WDR83: variants seen among roughly 807,000 people sequenced by gnomAD.
WDR83 encodes WD repeat domain 83, also known as WD repeat domain-containing protein 83.
WDR83 carries 37 observed loss-of-function variants against 37.7 expected under a neutral mutation model. The observed-to-expected ratio is 0.98, with a 90% CI of 0.76 to 1.29. The LOEUF is 1.29. Among genes scored for constraint, WDR83 ranks in the 50% most tolerant of loss-of-function variants. The pLI is 0.00. For synonymous variants in WDR83, 174 were observed against 181.1 expected (o/e 0.96, Z 0.31); for missense variants, 445 against 414.4 (o/e 1.07, Z -0.64).
At chr19:12,672,440 C>T (rs1389042048) in intron 7 of WDR83, 2 of 204,490 alleles carry the variant, frequency 9.8e-6, no homozygotes, top group African/African-American at 2.3e-5. Flanking sequence ...GAAACCCCGT[C>T]TCTACTAAAA....
At position 12,668,722 on chromosome 19, in the gene WDR83, C is replaced by T. The variant is rs954352580; in HGVS notation, c.-37+95C>T. 18 of 956,048 alleles carry T rather than the reference C, an allele frequency of 1.9e-5. No individual in the cohort carries two copies. In the East Asian group the frequency reaches 4.4e-4, roughly 23 times the overall value. 59.2% of individuals were successfully genotyped at this position (956,048 alleles called of 1,614,324 possible). A position where few individuals can be genotyped will look rare whatever the true frequency, so the allele number is the denominator to read the frequency against. Reference sequence around the variant, plus strand: ...TCATGCCCACTGATTCCATCTGATGCAGCTGGGACCTTGCCCCACCCGGAA... The same window carrying T: ...TCATGCCCACTGATTCCATCTGATGTAGCTGGGACCTTGCCCCACCCGGAA... On this transcript the variant is annotated intron_variant, in intron 2 of 10. Transcript: ENST00000418543.
Position 12,670,821 on chromosome 19 carries a change from G to A in WDR83, c.506G>A (p.Gly169Asp), listed in dbSNP as rs2024393847. The A allele has an allele frequency of 1.2e-6, 2 of 1,612,128 alleles. No individual in the cohort carries two copies. The change falls in exon 7 of 11, where the codon GGC (glycine) becomes GAC (aspartate). Residue 169 changes from glycine (G) to aspartate (D), a missense_variant and splice_region_variant. By Grantham distance (94) the Gly-to-Asp change is moderately conservative (BLOSUM62 -1). Transcript: ENST00000418543. The part of the protein sequence containing the change: ...VKVSDHEILA[G>D]SVDGRVRRYD... ...GTGTCAGACCACGAGATCCTGGCAG[G>A]GTGAGTGGAGCCAGGACCTGGTCTC...
chr19:12,667,578 G>T (rs1044763754), intron 1 of WDR83, among the ~76,000 whole-genome samples: 2 of 152,214 alleles, frequency 1.3e-5, no homozygotes, highest in Non-Finnish European at 2.9e-5. Flanking sequence ...ACTTGAACCT[G>T]GGAGGCGGAG....
chr19:12,673,149 C>T, intron 9 of WDR83, 33 bp downstream of exon 9: 1 of 1,611,382 alleles, frequency 6.2e-7, no homozygotes, highest in Non-Finnish European at 8.5e-7. Context: ...ATCCCCTTCC[C>T]TCCTCTCCCA....
At chr19:12,670,154 C>T in intron 4 of WDR83, 26 bp from the exon 5 acceptor site, 1 of 1,609,790 alleles carries the variant, frequency 6.2e-7, no homozygotes, top group East Asian at 2.2e-5. Context: ...GAGGTCGATG[C>T]TGATCCTCCT....
At chr19:12,667,220 TC>T (rs2024277171) in intron 1 of WDR83, among the ~76,000 whole-genome samples, 1 of 152,136 alleles carries the variant, frequency 6.6e-6, no homozygotes, top group Non-Finnish European at 1.5e-5. Flanking sequence ...TTGAGAAGGA[TC>T]CCTGGGTGTT....
rs962060225 is a variant in WDR83 at position 12,673,200 on chromosome 19, A to G, written c.684-2A>G. The G allele has an allele frequency of 6.2e-7, 1 of 1,613,712 alleles. No homozygotes were observed. Among genetic ancestry groups the G allele is most frequent in the Non-Finnish European group, 8.5e-7 (1 of 1,179,928 alleles). On this transcript the variant is annotated splice_acceptor_variant, in intron 9 of 10. Transcript: ENST00000418543. LOFTEE classifies it high-confidence loss of function. ...AAGCCCCCCGATCCTGTCCACCCTT[A>G]GGTACAAGGGCCATAAGAACCAGGA...
At chr19:12,670,633 G>A in intron 6 of WDR83, 22 bp downstream of exon 6, 3 of 1,614,186 alleles carry the variant, frequency 1.9e-6, no homozygotes, top group Middle Eastern at 1.6e-4. Flanking sequence ...GCCTAAGCAC[G>A]GGGGCCCAGG....
At position 12,668,577 on chromosome 19, in the gene WDR83, A is replaced by G; in HGVS notation, c.-87A>G. On this transcript the variant is annotated 5_prime_UTR_variant, in exon 2 of 11. The change abolishes an upstream ATG in the 5' untranslated region. Transcript: ENST00000418543. ...CGAGCTCCGAGAGTTGGCAAAGCTG[A>G]TGAAGGAGCAGTAGACAGCGACCCA... The G allele has an allele frequency of 6.2e-7, 1 of 1,614,156 alleles. No homozygotes were observed.
chr19:12,670,993 A>AT, intron 7 of WDR83, 172 bp downstream of exon 7: 1 of 923,290 alleles, frequency 1.1e-6, no homozygotes. Flanking sequence ...TCGAGGCACC[A>AT]TTGCACTCCA....
chr19:12,672,462 G>T (rs1425267597), intron 7 of WDR83: 1 of 218,852 alleles, frequency 4.6e-6, no homozygotes, highest in Middle Eastern at 2.0e-3. Flanking sequence ...TACAAAATTA[G>T]CAGGGCGTGG....
intron 9 of WDR83, 31 bp from the exon 10 acceptor site, chr19:12,673,171 G>A (rs1331411760): frequency 6.2e-7 from 1 of 1,613,412 alleles, no homozygotes; most frequent in South Asian, 1.1e-5. Flanking sequence ...CCCTGGAGAG[G>A]ACCAAGCCCC....
chr19:12,670,472 C>G, intron 5 of WDR83, 91 bp from the exon 6 acceptor site: 2 of 1,596,782 alleles, frequency 1.3e-6, no homozygotes, highest in Non-Finnish European at 8.6e-7. Context: ...TTCACCTCCC[C>G]TTCGCCCTTG....
At chr19:12,674,075 G>A (rs568080985) in intron 10 of WDR83, among the ~76,000 whole-genome samples, 6 of 152,330 alleles carry the variant, frequency 3.9e-5, no homozygotes, top group African/African-American at 7.2e-5. Flanking sequence ...TGTAGCCTGC[G>A]CATGCATCAG....
intron 2 of WDR83, chr19:12,669,182 CG>C: frequency 6.2e-7 from 1 of 1,614,124 alleles, no homozygotes. Context: ...TCATGTAGTC[CG>C]GCGTCGGGTC....
At chr19:12,675,251 A>AC (rs1157463505) in intron 10 of WDR83, among the ~76,000 whole-genome samples, 2 of 152,138 alleles carry the variant, frequency 1.3e-5, no homozygotes, top group African/African-American at 2.4e-5. Flanking sequence ...ACATGGTAAG[A>AC]CCCCATCTCT....
At chr19:12,673,173 C>A in intron 9 of WDR83, 29 bp from the exon 10 acceptor site, 4 of 1,612,814 alleles carry the variant, frequency 2.5e-6, no homozygotes, top group Non-Finnish European at 3.4e-6. Flanking sequence ...CTGGAGAGGA[C>A]CAAGCCCCCC....
At chr19:12,670,645 T>G in intron 6 of WDR83, 34 bp downstream of exon 6, 1 of 1,614,152 alleles carries the variant, frequency 6.2e-7, no homozygotes, top group Non-Finnish European at 8.5e-7. Context: ...GGGCCCAGGG[T>G]GCTGCCCTCC....
intron 10 of WDR83, 144 bp downstream of exon 10, chr19:12,673,460 C>G (rs2024482677): frequency 1.6e-6 from 1 of 623,224 alleles, no homozygotes; most frequent in Non-Finnish European, 2.7e-6. Flanking sequence ...CTCTGTCGCC[C>G]AGGCTAGAGT....
Sources: allele counts gnomAD v4.1 joint callset (sites outside exome capture counted in the v4.1 genomes callset), GRCh38; gene constraint gnomAD v4.1.1; transcripts MANE v1.5; gene names NCBI Gene and HGNC (gene_info 2026-07-23, HGNC 2026-07-21).